The following SOX5 variants were observed in gnomAD, a reference collection of about 807,000 sequenced individuals.
SOX5 encodes the protein SRY-box transcription factor 5.
A neutral mutation model predicts 92.0 loss-of-function variants in SOX5; 9 were observed. That is an observed-to-expected ratio of 0.10 (90% CI 0.06 to 0.17). SOX5 has a LOEUF of 0.17. SOX5 is among the 10% of genes least tolerant of loss of function. SOX5 has a pLI of 1.00. For missense variants in SOX5, 642 were observed against 944.5 expected (o/e 0.68, Z 4.20); for synonymous variants, 344 against 336.3 (o/e 1.02, Z -0.25).
chr12:24,076,604 A>T (rs1942637002), intron 4 of SOX5, among the ~76,000 whole-genome samples: 1 of 152,162 alleles, frequency 6.6e-6, no homozygotes, highest in Non-Finnish European at 1.5e-5. Flanking sequence ...TTCCATGTGA[A>T]AAAGTCTAAA....
chr12:23,970,253 G>A (rs1948076247), intron 4 of SOX5, among the ~76,000 whole-genome samples: 1 of 150,954 alleles, frequency 6.6e-6, no homozygotes, highest in South Asian at 2.1e-4. Flanking sequence ...TTTTTTAACA[G>A]TTTTGTTGAG....
intron 9 of SOX5, among the ~76,000 whole-genome samples, chr12:23,590,397 GTTTC>G (rs918269015): frequency 6.6e-6 from 1 of 151,840 alleles, no homozygotes; most frequent in Non-Finnish European, 1.5e-5. Context: ...ACTCAACCTT[GTTTC>G]TTTCTCCAAA....
In SOX5 at chr12:24,552,706, A is replaced by G. The variant is rs765965250; in HGVS notation, c.-251+9623T>C. Reference sequence around the variant, plus strand: ...TATTTGATAATAAGCAACATTTAGAAATCGCTTTATAGGCTGGGTACAGTG... The same window carrying G: ...TATTTGATAATAAGCAACATTTAGAGATCGCTTTATAGGCTGGGTACAGTG... On this transcript the variant is annotated intron_variant, in intron 1 of 4. Transcript: ENST00000446891. Among the ~76,000 whole-genome samples, 4 of 152,252 alleles carry G rather than the reference A, an allele frequency of 2.6e-5. No homozygotes were observed. In the East Asian group the frequency reaches 7.7e-4, roughly 29 times the overall value.
chr12:23,594,444 C>A (rs1241689938), intron 9 of SOX5, among the ~76,000 whole-genome samples: 4 of 152,102 alleles, frequency 2.6e-5, no homozygotes, highest in African/African-American at 7.2e-5. Flanking sequence ...TCTCCAACAG[C>A]AACATCCAGG....
intron 8 of SOX5, among the ~76,000 whole-genome samples, chr12:23,628,095 G>A (rs1057350953): frequency 4.6e-5 from 7 of 151,898 alleles, no homozygotes; most frequent in African/African-American, 7.2e-5. Flanking sequence ...GTGTAAGGGC[G>A]TTTACTTTTT....
chr12:24,223,194 T>A (rs1960935516), intron 3 of SOX5: 1 of 152,122 alleles, frequency 6.6e-6, no homozygotes, highest in South Asian at 2.1e-4. Flanking sequence ...CAATTTAGAG[T>A]TGCTAGGAGG....
Position 23,740,990 on chromosome 12 carries a change from G to A in SOX5, c.618C>T (p.Ile206=). 1 of 1,611,520 alleles carries A rather than the reference G, an allele frequency of 6.2e-7. No individual in the cohort carries two copies. The highest frequency in any genetic ancestry group is 1.7e-5 in the Admixed American group (1 of 59,902). The change falls in exon 5 of 15, where the codon ATC becomes ATT. Residue 206 remains isoleucine, a synonymous_variant. Transcript: ENST00000451604. ...AEKERQLMGM[I]NQLTSLREQL... ...GCTCTCGGAGGCTGGTCAGCTGGTT[G>A]ATCATACCCATGAGTTGCCTTTCTT...
At chr12:23,944,417 A>C (rs1443541239) in intron 1 of SOX5, 2 of 152,152 alleles carry the variant, frequency 1.3e-5, no homozygotes, top group East Asian at 1.9e-4. Context: ...TCTCCAGAGA[A>C]GATGTGTGAA....
intron 1 of SOX5, among the ~76,000 whole-genome samples, chr12:24,481,668 A>G (rs1390551847): frequency 6.6e-6 from 1 of 152,222 alleles, no homozygotes; most frequent in Non-Finnish European, 1.5e-5. Context: ...TTAGAAGAGG[A>G]TAACAGACAT....
intron 1 of SOX5, among the ~76,000 whole-genome samples, chr12:24,378,792 T>C (rs1415700873): frequency 6.6e-6 from 1 of 152,200 alleles, no homozygotes; most frequent in Admixed American, 6.5e-5. Context: ...GTGTTATACT[T>C]ACCGCTGTGA....
intron 2 of SOX5, among the ~76,000 whole-genome samples, chr12:24,298,559 C>T (rs760363372): frequency 2.0e-5 from 3 of 152,034 alleles, no homozygotes; most frequent in Non-Finnish European, 4.4e-5. Context: ...AAATGTTATA[C>T]TCAAATACTA....
intron 3 of SOX5, among the ~76,000 whole-genome samples, chr12:24,271,237 A>G (rs1183311935): frequency 1.3e-5 from 2 of 152,164 alleles, no homozygotes; most frequent in African/African-American, 4.8e-5. Context: ...AATCTCATTA[A>G]GAGTTTATGT....
intron 8 of SOX5, among the ~76,000 whole-genome samples, chr12:23,636,796 C>A (rs1433151059): frequency 6.6e-6 from 1 of 152,032 alleles, no homozygotes. Context: ...TTATGAGTTA[C>A]CAAATGTCTG....
In SOX5 at chr12:24,049,638, G is replaced by GTTTTT. The variant is rs527647441; in HGVS notation, c.-1-153619_-1-153615dup. 5.9e-3 allele frequency among the ~76,000 whole-genome samples: 436 copies of GTTTTT among 73,754 alleles called. 37 individuals are homozygous for GTTTTT. Among genetic ancestry groups the GTTTTT allele is most frequent in the Middle Eastern group, 0.01 (1 of 100 alleles). 48.4% of individuals were successfully genotyped at this position (73,754 alleles called of 152,430 possible). A position where few individuals can be genotyped will look rare whatever the true frequency, so the allele number is the denominator to read the frequency against. On this transcript the variant is annotated intron_variant, in intron 4 of 4. Coordinates refer to the SOX5 transcript ENST00000446891. ...TGTTGATATTTTCCAATCCTTCATA[G>GTTTTT]TTTTTTTTTTTTTTTTTTTTTTTTT...
Position 24,353,930 on chromosome 12 carries a change from C to T in SOX5, c.-174+14633G>A, listed in dbSNP as rs575047342. 1.2e-3 allele frequency among the ~76,000 whole-genome samples: 180 copies of T among 152,306 alleles called. 1 individual carries two copies. Among genetic ancestry groups the T allele is most frequent in the African/African-American group, 3.9e-3 (161 of 41,580 alleles). ...CTGGGATTACAGGCGTGAGCCACCA[C>T]GCCCGGCCACCTCATTATTCTCAAC... On this transcript the variant is annotated intron_variant, in intron 2 of 4. Transcript: ENST00000446891.
intron 6 of SOX5, among the ~76,000 whole-genome samples, chr12:23,714,447 C>A (rs955754007): frequency 2.6e-5 from 4 of 152,058 alleles, no homozygotes; most frequent in Non-Finnish European, 5.9e-5. Context: ...CATGGCGAAA[C>A]CCTGTCTCTA....
chr12:24,353,375 T>C (rs1954356063), intron 2 of SOX5, among the ~76,000 whole-genome samples: 2 of 152,118 alleles, frequency 1.3e-5, no homozygotes, highest in South Asian at 4.1e-4. Context: ...ATTTCCTCTG[T>C]AGAACTACAC....
intron 2 of SOX5, among the ~76,000 whole-genome samples, chr12:23,868,399 A>G (rs1354175033): frequency 1.3e-5 from 2 of 152,176 alleles, no homozygotes; most frequent in Admixed American, 6.5e-5. Context: ...ATTTTGAAGC[A>G]AGAGCAAATT....
At chr12:24,021,014 T>C (rs1954221126) in intron 4 of SOX5, among the ~76,000 whole-genome samples, 2 of 152,160 alleles carry the variant, frequency 1.3e-5, no homozygotes, top group South Asian at 4.1e-4. Context: ...TTGCTCCTTT[T>C]CCTGAGAAAG....
Sources: allele counts gnomAD v4.1 joint callset (sites outside exome capture counted in the v4.1 genomes callset), GRCh38; gene constraint gnomAD v4.1.1; transcripts MANE v1.5; gene names NCBI Gene and HGNC (gene_info 2026-07-23, HGNC 2026-07-21).